CLOCK: variants seen among roughly 807,000 people sequenced by gnomAD.
CLOCK encodes the protein circadian locomoter output cycles protein kaput.
CLOCK carries 43 observed loss-of-function variants against 118.4 expected under a neutral mutation model. That is an observed-to-expected ratio of 0.36 (90% CI 0.28 to 0.47). CLOCK has a LOEUF of 0.47. CLOCK is among the 20% of genes least tolerant of loss of function. The pLI, the probability that CLOCK is intolerant of heterozygous loss-of-function variation, is 1.00. For missense variants in CLOCK, 846 were observed against 999.9 expected (o/e 0.85, Z 2.08); for synonymous variants, 326 against 339.2 (o/e 0.96, Z 0.43).
intron 1 of CLOCK, among the ~76,000 whole-genome samples, chr4:55,534,218 T>A (rs796198035): frequency 3.3e-5 from 5 of 152,170 alleles, no homozygotes; most frequent in South Asian, 2.1e-4. Flanking sequence ...CGAGTGCTTA[T>A]TCTACTCTCA....
chr4:55,491,425 CAA>C (rs1353870633), intron 2 of CLOCK, among the ~76,000 whole-genome samples: 1 of 147,722 alleles, frequency 6.8e-6, no homozygotes, highest in Admixed American at 6.7e-5. Context: ...AAAAGACTAA[CAA>C]AATTGACAAA....
intron 1 of CLOCK, among the ~76,000 whole-genome samples, chr4:55,534,721 G>A (rs997234318): frequency 7.9e-5 from 12 of 152,008 alleles, no homozygotes; most frequent in Non-Finnish European, 1.8e-4. Flanking sequence ...AATACTTGCT[G>A]AATGAACAAG....
intron 3 of CLOCK, among the ~76,000 whole-genome samples, chr4:55,484,254 G>C (rs953132105): frequency 6.6e-6 from 1 of 151,950 alleles, no homozygotes; most frequent in East Asian, 1.9e-4. Flanking sequence ...GCTGTGGCAT[G>C]ATCATAGCTC....
Position 55,435,307 on chromosome 4 carries a change from G to T in CLOCK, c.*108C>A. ...TCCAGGAACTAGAACACTCAATACT[G>T]CATCTCATGAAACTGCTGGAACTTT... On this transcript the variant is annotated 3_prime_UTR_variant, in exon 23 of 23. Transcript: ENST00000513440. 7.8e-7 allele frequency: 1 copy of T among 1,277,876 alleles called. No homozygotes were observed. Among genetic ancestry groups the T allele is most frequent in the Non-Finnish European group, 1.1e-6 (1 of 882,128 alleles). 79.2% of individuals were successfully genotyped at this position (1,277,876 alleles called of 1,614,324 possible).
intron 2 of CLOCK, among the ~76,000 whole-genome samples, chr4:55,502,930 G>A (rs899058071): frequency 3.9e-5 from 6 of 152,128 alleles, no homozygotes; most frequent in Non-Finnish European, 8.8e-5. Flanking sequence ...AGGGAATTAC[G>A]AATTAAAACT....
At position 55,463,749 on chromosome 4, in the gene CLOCK, C is replaced by T. The variant is rs1725533401; in HGVS notation, c.495G>A (p.Glu165=). ...GATGAGTAGAGAGTATTTTATAAAC[C>T]TCTGAATGTTCCCCTTCTGGGATAA... ...FNFIPEGEHS[E]VYKILSTHLL... is the part of the protein sequence containing the mutation. The change falls in exon 9 of 23, where the codon GAG becomes GAA. Residue 165 remains glutamate, a synonymous_variant. Coordinates refer to ENST00000513440, the MANE Select transcript of CLOCK (RefSeq NM_004898.4). The T allele has an allele frequency of 1.2e-6, 2 of 1,612,058 alleles. No individual in the cohort carries two copies. Among genetic ancestry groups the T allele is most frequent in the Non-Finnish European group, 1.7e-6 (2 of 1,178,594 alleles).
chr4:55,545,763 G>A (rs1731575040), intron 1 of CLOCK: 1 of 152,256 alleles, frequency 6.6e-6, no homozygotes, highest in African/African-American at 2.4e-5. Context: ...TTACACTCCA[G>A]GGGCCAGAGC....
chr4:55,475,079 A>T (rs942193558), intron 7 of CLOCK, among the ~76,000 whole-genome samples: 5 of 152,194 alleles, frequency 3.3e-5, no homozygotes, highest in African/African-American at 4.8e-5. Context: ...TTCTGGAAAG[A>T]ATTCACCCGT....
At chr4:55,533,795 C>T (rs1293549765) in intron 1 of CLOCK, among the ~76,000 whole-genome samples, 1 of 151,996 alleles carries the variant, frequency 6.6e-6, no homozygotes, top group Non-Finnish European at 1.5e-5. Context: ...CCCAGCTACT[C>T]GGGAGGCTGA....
chr4:55,452,800 A>G (rs1724583257), intron 15 of CLOCK: 1 of 318,528 alleles, frequency 3.1e-6, no homozygotes, highest in East Asian at 6.1e-5. Flanking sequence ...TAAATAACCT[A>G]GCCAGAGACT....
chr4:55,524,506 A>G (rs566284591), intron 1 of CLOCK, among the ~76,000 whole-genome samples: 1 of 152,340 alleles, frequency 6.6e-6, no homozygotes, highest in South Asian at 2.1e-4. Context: ...ACTCAGAAAT[A>G]TAATTCTTCA....
intron 1 of CLOCK, among the ~76,000 whole-genome samples, chr4:55,520,128 A>T (rs1443211255): frequency 6.6e-6 from 1 of 152,234 alleles, no homozygotes; most frequent in African/African-American, 2.4e-5. Flanking sequence ...CTGTTATCCT[A>T]TAAAACTGTC....
chr4:55,542,361 ATAATAATAATAATAATAATAT>A (rs1288644132), intron 1 of CLOCK, among the ~76,000 whole-genome samples: 1 of 57,108 alleles, frequency 1.8e-5, no homozygotes, highest in African/African-American at 8.0e-5. Flanking sequence ...AATAATAATA[ATAATAATAATAATAATAATAT>A]TATTATTATT....
In CLOCK at chr4:55,431,349, T is replaced by C. The variant is rs1236181372; in HGVS notation, c.*4066A>G. On this transcript the variant is annotated 3_prime_UTR_variant, in exon 23 of 23. Coordinates refer to ENST00000513440, the MANE Select transcript of CLOCK (RefSeq NM_004898.4). The stretch of plus-strand genomic sequence containing the variant: ...AAGTGGGAGGCATGTAGAGGGTTCC[T>C]ATTATAGTTATATACAAATATATTA... 2.0e-5 allele frequency: 3 copies of C among 152,228 alleles called. No individual in the cohort carries two copies. The highest frequency in any genetic ancestry group is 4.4e-5 in the Non-Finnish European group (3 of 68,044). 9.4% of individuals were successfully genotyped at this position (152,228 alleles called of 1,614,324 possible).
intron 6 of CLOCK, among the ~76,000 whole-genome samples, chr4:55,478,436 TCTTC>T (rs1219653963): frequency 1.3e-5 from 2 of 152,158 alleles, no homozygotes; most frequent in Non-Finnish European, 2.9e-5. Flanking sequence ...TGACATGCTG[TCTTC>T]CTTAATCTAA....
At position 55,433,256 on chromosome 4, in the gene CLOCK, T is replaced by C. The variant is rs1298896333; in HGVS notation, c.*2159A>G. ...GATATTCATGGGAATGTGGGAAATC[T>C]CTACTGGATGGTCATTTAGCTAGAA... On this transcript the variant is annotated 3_prime_UTR_variant, in exon 23 of 23. Transcript: ENST00000513440. 1 of 152,654 alleles carries C rather than the reference T, an allele frequency of 6.6e-6. No individual in the cohort carries two copies. Among genetic ancestry groups the C allele is most frequent in the Non-Finnish European group, 1.5e-5 (1 of 68,046 alleles). The allele number at this position is 152,654 out of a possible 1,614,324, so 9.5% of individuals were successfully genotyped here. A position where few individuals can be genotyped will look rare whatever the true frequency, so the allele number is the denominator to read the frequency against.
chr4:55,464,539 G>A lies in CLOCK; in HGVS notation c.439-734C>T, dbSNP rs545958965. On this transcript the variant is annotated intron_variant, in intron 8 of 22. Coordinates refer to ENST00000513440, the MANE Select transcript of CLOCK (RefSeq NM_004898.4). Reference sequence around the variant, plus strand: ...TACCTGGTTTCCTGCGTTTCAAACTGCTCTGTGGAATCCTAGGGATGCTGA... The same window carrying A: ...TACCTGGTTTCCTGCGTTTCAAACTACTCTGTGGAATCCTAGGGATGCTGA... 1.6e-3 allele frequency among the ~76,000 whole-genome samples: 238 copies of A among 152,304 alleles called. 1 individual carries two copies. Among genetic ancestry groups the A allele is most frequent in the Non-Finnish European group, 2.7e-3 (181 of 68,026 alleles).
intron 9 of CLOCK, among the ~76,000 whole-genome samples, chr4:55,462,370 T>C (rs1263896104): frequency 1.3e-5 from 2 of 152,180 alleles, no homozygotes; most frequent in Non-Finnish European, 1.5e-5. Flanking sequence ...CATTGCAAAC[T>C]CAGCCTCCGG....
intron 5 of CLOCK, 111 bp from the exon 6 acceptor site, chr4:55,479,074 G>T: frequency 1.1e-6 from 1 of 877,704 alleles, no homozygotes; most frequent in Non-Finnish European, 1.7e-6. Flanking sequence ...CAACATAGAT[G>T]GTAACAAATA....
Sources: allele counts gnomAD v4.1 joint callset (sites outside exome capture counted in the v4.1 genomes callset), GRCh38; gene constraint gnomAD v4.1.1; transcripts MANE v1.5; gene names NCBI Gene and HGNC (gene_info 2026-07-23, HGNC 2026-07-21).